OR4E2: variants seen among roughly 807,000 people sequenced by gnomAD.
OR4E2 encodes olfactory receptor family 4 subfamily E member 2.
A neutral mutation model predicts 11.0 loss-of-function variants in OR4E2; 9 were observed. The ratio of observed to expected loss-of-function variants is 0.82; its 90% CI spans 0.49 to 1.43. The LOEUF is 1.43. OR4E2 is among the 40% of genes most tolerant of loss of function. The probability of loss-of-function intolerance (pLI) is 0.00; values close to 1 mark genes in which losing one functional copy is unlikely to be tolerated. For missense variants in OR4E2, 441 were observed against 382.0 expected (o/e 1.15, Z -1.29); for synonymous variants, 159 against 147.3 (o/e 1.08, Z -0.57).
intron 3 of OR4E2, among the ~76,000 whole-genome samples, chr14:21,662,464 G>T (rs561833173): frequency 6.6e-6 from 1 of 152,052 alleles, no homozygotes; most frequent in African/African-American, 2.4e-5. Flanking sequence ...ACTACACCTG[G>T]CTAATTTTTG....
chr14:21,662,123 T>C, intron 3 of OR4E2, among the ~76,000 whole-genome samples: 1 of 109,936 alleles, frequency 9.1e-6, no homozygotes. Flanking sequence ...TTGAAGTTCT[T>C]TTTCTGTGAC....
At chr14:21,660,426 G>A (rs1461881902) in intron 2 of OR4E2, among the ~76,000 whole-genome samples, 2 of 152,118 alleles carry the variant, frequency 1.3e-5, no homozygotes, top group Non-Finnish European at 2.9e-5. Flanking sequence ...CCCCAGAGTG[G>A]GACTGTGTTT....
intron 3 of OR4E2, among the ~76,000 whole-genome samples, chr14:21,661,376 T>A (rs1445440393): frequency 6.6e-6 from 1 of 152,230 alleles, no homozygotes; most frequent in Non-Finnish European, 1.5e-5. Context: ...CTTTTTCGAT[T>A]TCTTTCTTCC....
rs1402535396 is a variant in OR4E2 at position 21,660,712 on chromosome 14, C to T, written c.-43C>T. 2.0e-5 allele frequency: 3 copies of T among 151,352 alleles called. No individual in the cohort carries two copies. Among genetic ancestry groups the T allele is most frequent in the Non-Finnish European group, 2.9e-5 (2 of 68,002 alleles). The allele number at this position is 151,352 out of a possible 1,614,324, so 9.4% of individuals were successfully genotyped here. ...AACTTCTGGACTTAAGCGATAGATC[C>T]TCCACCTCAGCCTCTTGAGTATTTG... is the stretch of plus-strand genomic sequence containing the variant. On this transcript the variant is annotated 5_prime_UTR_variant, in exon 3 of 4. Transcript: ENST00000641524.
chr14:21,666,188 T>A lies in OR4E2; in HGVS notation c.*164T>A, dbSNP rs1880640338. ...AAGAACTTATTCTGTTCATTAAAGATAAGAACTTATTAACTATTATTTAAA... is the reference window on the plus strand; with the variant it reads ...AAGAACTTATTCTGTTCATTAAAGAAAAGAACTTATTAACTATTATTTAAA... On this transcript the variant is annotated 3_prime_UTR_variant, in exon 4 of 4. Coordinates refer to ENST00000641524, the MANE Select transcript of OR4E2 (RefSeq NM_001001912.3). 8 of 531,366 alleles carry A rather than the reference T, an allele frequency of 1.5e-5. No individual in the cohort carries two copies. Among genetic ancestry groups the A allele is most frequent in the Non-Finnish European group, 2.6e-5 (8 of 302,840 alleles). 32.9% of individuals were successfully genotyped at this position (531,366 alleles called of 1,614,324 possible).
chr14:21,666,566 A>G lies in OR4E2; in HGVS notation c.*542A>G, dbSNP rs1436427502. On this transcript the variant is annotated 3_prime_UTR_variant, in exon 4 of 4. Transcript: ENST00000641524. ...AGATCTATTTTGTACTTTTTTTTTG[A>G]GACAGGAATTTTTTGTACTATTCCT... 1 of 150,768 alleles carries G rather than the reference A, an allele frequency of 6.6e-6. No individual in the cohort carries two copies. Among genetic ancestry groups the G allele is most frequent in the Non-Finnish European group, 1.5e-5 (1 of 67,588 alleles). 9.3% of individuals were successfully genotyped at this position (150,768 alleles called of 1,614,324 possible).
chr14:21,661,574 T>C (rs1880330223), intron 3 of OR4E2, among the ~76,000 whole-genome samples: 1 of 152,240 alleles, frequency 6.6e-6, no homozygotes, highest in Non-Finnish European at 1.5e-5. Context: ...ATGGGTCCAA[T>C]TGTCAGAAAT....
At chr14:21,659,819 T>C (rs983389396) in intron 2 of OR4E2, among the ~76,000 whole-genome samples, 1 of 152,232 alleles carries the variant, frequency 6.6e-6, no homozygotes, top group Non-Finnish European at 1.5e-5. Flanking sequence ...ATTTATATTC[T>C]AGCAGCAGGA....
At chr14:21,658,937 A>T (rs1880165328) in intron 2 of OR4E2, among the ~76,000 whole-genome samples, 1 of 152,090 alleles carries the variant, frequency 6.6e-6, no homozygotes, top group South Asian at 2.1e-4. Flanking sequence ...ATTGCCTTAA[A>T]ATGGGTAATT....
At position 21,665,810 on chromosome 14, in the gene OR4E2, A is replaced by G. The variant is rs1880615596; in HGVS notation, c.728A>G (p.His243Arg). 1.9e-6 allele frequency: 3 copies of G among 1,612,260 alleles called. No individual in the cohort carries two copies. In the South Asian group the frequency reaches 3.3e-5, roughly 18 times the overall value. ...AAAGCCCTGTCTACCTGCTCGGCCC[A>G]CTTCATGGTGGTTGCCCTCTTCTTT... The part of the protein sequence containing the change: ...RRKALSTCSA[H>R]FMVVALFFGP... Residue 243 changes from histidine to arginine, a missense_variant, in exon 4 of 4, where the codon CAC becomes CGC. Coordinates refer to ENST00000641524, the MANE Select transcript of OR4E2 (RefSeq NM_001001912.3).
In OR4E2 at chr14:21,654,402, GCA is replaced by G. The variant is rs1289943118; in HGVS notation, c.-191+474_-191+475del. Among the ~76,000 whole-genome samples, 168 of 118,778 alleles carry G rather than the reference GCA, an allele frequency of 1.4e-3. 1 individual carries two copies. The highest frequency in any genetic ancestry group is 4.6e-3 in the African/African-American group (156 of 34,124). 77.9% of individuals were successfully genotyped at this position (118,778 alleles called of 152,430 possible). On this transcript the variant is annotated intron_variant, in intron 1 of 3. Coordinates refer to ENST00000641524, the MANE Select transcript of OR4E2 (RefSeq NM_001001912.3). ...CACGCATGCACACACACACACGCAT[GCA>G]CACACACACATGCACACACACGCTG...
At position 21,665,268 on chromosome 14, in the gene OR4E2, C is replaced by G; in HGVS notation, c.186C>G (p.Phe62Leu). ...GTCTCCATACCCCCATGTATTTCTT[C>G]CTGAGCAATCTGTCCTTTATTGACA... is the stretch of plus-strand genomic sequence containing the variant. Reference protein sequence around the residue: ...TPSLHTPMYFFLSNLSFIDIC... With the variant: ...TPSLHTPMYFLLSNLSFIDIC... The change falls in exon 4 of 4, where the codon TTC becomes TTG. Residue 62 changes from phenylalanine to leucine, a missense_variant. By Grantham distance (22) the Phe-to-Leu change is conservative. Coordinates refer to ENST00000641524, the MANE Select transcript of OR4E2 (RefSeq NM_001001912.3). 1 of 1,614,120 alleles carries G rather than the reference C, an allele frequency of 6.2e-7. No homozygotes were observed. Among genetic ancestry groups the G allele is most frequent in the Non-Finnish European group, 8.5e-7 (1 of 1,179,992 alleles).
chr14:21,665,578 C>G lies in OR4E2; in HGVS notation c.496C>G (p.Leu166Val). 6.2e-7 allele frequency: 1 copy of G among 1,614,074 alleles called. No homozygotes were observed. The highest frequency in any genetic ancestry group is 8.5e-7 in the Non-Finnish European group (1 of 1,179,988). Residue 166 changes from leucine (L) to valine (V), a missense_variant, in exon 4 of 4, where the codon CTA (leucine) becomes GTA (valine). Leu to Val is a conservative substitution (Grantham distance 32, BLOSUM62 1). Coordinates refer to ENST00000641524, the MANE Select transcript of OR4E2 (RefSeq NM_001001912.3). ...AGGGCAGACCTTCTTGACTATTCGT[C>G]TACCTTACTGTGGCCCCAACATTAT... The part of the protein sequence containing the change: ...SLGQTFLTIR[L>V]PYCGPNIIDS...
rs1470394177 is a variant in OR4E2 at position 21,665,449 on chromosome 14, T to C, written c.367T>C (p.Tyr123His). ...FLLIIMAYDRYVAICTPLHYP... is the reference protein window; with the variant it reads ...FLLIIMAYDRHVAICTPLHYP... ...GCTGATCATTATGGCGTATGATCGT[T>C]ACGTGGCTATCTGCACTCCACTCCA... Residue 123 changes from tyrosine (Y) to histidine (H), a missense_variant, in exon 4 of 4, where the codon TAC becomes CAC. Coordinates refer to ENST00000641524, the MANE Select transcript of OR4E2 (RefSeq NM_001001912.3). 2 of 1,613,966 alleles carry C rather than the reference T, an allele frequency of 1.2e-6. No individual in the cohort carries two copies. Among genetic ancestry groups the C allele is most frequent in the Admixed American group, 3.3e-5 (2 of 59,998 alleles).
intron 3 of OR4E2, among the ~76,000 whole-genome samples, chr14:21,661,394 A>G (rs1880316673): frequency 6.6e-6 from 1 of 152,206 alleles, no homozygotes; most frequent in Non-Finnish European, 1.5e-5. Context: ...TCCTTTGTTC[A>G]TTCATTCCTT....
chr14:21,665,637 C>A lies in OR4E2; in HGVS notation c.555C>A (p.Ile185=). The A allele has an allele frequency of 6.2e-7, 1 of 1,614,108 alleles. No homozygotes were observed. Among genetic ancestry groups the A allele is most frequent in the Non-Finnish European group, 8.5e-7 (1 of 1,179,996 alleles). The change falls in exon 4 of 4, where the codon ATC becomes ATA. Residue 185 remains isoleucine (I), a synonymous_variant. Coordinates refer to ENST00000641524, the MANE Select transcript of OR4E2 (RefSeq NM_001001912.3). ...ACTTCTGTGATGTGCCTCTTGTTAT[C>A]AAGCTGGCCTGCACAGATACATACC... ...DSYFCDVPLV[I]KLACTDTYLT... is the part of the protein sequence containing the mutation.
intron 1 of OR4E2, among the ~76,000 whole-genome samples, chr14:21,655,984 A>G (rs1879919607): frequency 6.6e-6 from 1 of 152,010 alleles, no homozygotes; most frequent in South Asian, 2.1e-4. Context: ...ACCAATATTA[A>G]AAAGGCGAAA....
intron 1 of OR4E2, among the ~76,000 whole-genome samples, chr14:21,655,109 C>T (rs564631422): frequency 4.6e-5 from 7 of 152,124 alleles, no homozygotes; most frequent in Middle Eastern, 3.4e-3. Flanking sequence ...GGCCTAGCCA[C>T]GATGACACAG....
intron 2 of OR4E2, among the ~76,000 whole-genome samples, chr14:21,656,888 T>C (rs1879979708): frequency 6.6e-6 from 1 of 152,212 alleles, no homozygotes; most frequent in African/African-American, 2.4e-5. Flanking sequence ...GGGTTACGAC[T>C]TGTCACCTTT....
Sources: gnomAD v4.1 joint callset for allele counts (sites outside exome capture counted in the v4.1 genomes callset) on GRCh38, gnomAD v4.1.1 for gene constraint, MANE v1.5 for transcripts, NCBI Gene and HGNC (gene_info 2026-07-23, HGNC 2026-07-21) for gene names.